NCOA7: variants seen among roughly 807,000 people sequenced by gnomAD.
NCOA7 encodes 140 kDa estrogen receptor-associated protein.
NCOA7 carries 45 observed loss-of-function variants against 104.3 expected under a neutral mutation model. The observed-to-expected ratio is 0.43, with a 90% CI of 0.34 to 0.55. The LOEUF (loss-of-function observed/expected upper bound fraction) is 0.55. Ranked by LOEUF, NCOA7 falls within the 20% of genes least tolerant of loss-of-function variation. The probability of loss-of-function intolerance (pLI) is 0.02; values close to 1 mark genes in which losing one functional copy is unlikely to be tolerated. For missense variants in NCOA7, 1,041 were observed against 1,119.7 expected, an observed-to-expected ratio of 0.93 and a Z score of 1.00; for synonymous variants, 398 against 402.3, an observed-to-expected ratio of 0.99 and a Z score of 0.13.
intron 3 of NCOA7, among the ~76,000 whole-genome samples, chr6:125,858,784 C>T (rs1008450803): frequency 6.6e-6 from 1 of 152,086 alleles, no homozygotes; most frequent in Non-Finnish European, 1.5e-5. Flanking sequence ...AGACCCTTTC[C>T]AAATCTGACT....
intron 2 of NCOA7, among the ~76,000 whole-genome samples, chr6:125,828,013 T>C (rs796572653): frequency 6.1e-4 from 93 of 152,320 alleles, no homozygotes; most frequent in African/African-American, 2.1e-3. Flanking sequence ...AGACAACCAC[T>C]AAATACACAA....
Position 125,881,219 on chromosome 6 carries a change from A to G in NCOA7, c.573+16A>G. ...TAAATTGCCTGTATGTATATTATGC[A>G]CTGAAGTTCATTTTTATTAAAGAGA... On this transcript the variant is annotated intron_variant, in intron 6 of 15. Coordinates refer to ENST00000392477, the MANE Select transcript of NCOA7 (RefSeq NM_181782.5). The G allele has an allele frequency of 1.3e-6, 2 of 1,518,282 alleles. No homozygotes were observed. Among genetic ancestry groups the G allele is most frequent in the South Asian group, 2.3e-5 (2 of 88,648 alleles). 94.1% of individuals were successfully genotyped at this position (1,518,282 alleles called of 1,614,324 possible).
chr6:125,830,217 C>G (rs1333058677), intron 2 of NCOA7, among the ~76,000 whole-genome samples: 11 of 152,178 alleles, frequency 7.2e-5, no homozygotes, highest in Non-Finnish European at 4.4e-5. Context: ...ATCCATCTTT[C>G]ATATATTATC....
chr6:125,920,846 C>G, intron 11 of NCOA7, 97 bp from the exon 12 acceptor site: 2 of 1,476,564 alleles, frequency 1.4e-6, no homozygotes, highest in East Asian at 2.5e-5. Context: ...CGAAGCGTCA[C>G]CTTTTCAAGC....
rs1211153832 is a variant in NCOA7, at chr6:125,889,379, T to C, written c.1325T>C (p.Leu442Pro). ...GACACCTTGAAGGAGTGCCTTTCTC[T>C]TGACCCAGAGGAACGAAAGAAAGCT... ...KKDTLKECLSLDPEERKKAES... is the reference protein window; with the variant it reads ...KKDTLKECLSPDPEERKKAES... The change falls in exon 9 of 16, where the codon CTT becomes CCT. Residue 442 changes from leucine (L) to proline (P), a missense_variant. Coordinates refer to ENST00000392477, the MANE Select transcript of NCOA7 (RefSeq NM_181782.5). 1 of 1,614,004 alleles carries C rather than the reference T, an allele frequency of 6.2e-7. No homozygotes were observed. The highest frequency in any genetic ancestry group is 8.5e-7 in the Non-Finnish European group (1 of 1,179,962).
chr6:125,819,325 G>A (rs1583292664), intron 2 of NCOA7, among the ~76,000 whole-genome samples: 1 of 151,956 alleles, frequency 6.6e-6, no homozygotes, highest in African/African-American at 2.4e-5. Context: ...GGGTCACCCA[G>A]TCTTTCCTTT....
rs560749425 is a variant in NCOA7, at chr6:125,866,762, G to T, written c.272-8127G>T. Among the ~76,000 whole-genome samples the T allele has an allele frequency of 2.6e-5, 4 of 152,164 alleles. No homozygotes were observed. In the East Asian group the frequency reaches 7.7e-4, roughly 29 times the overall value. On this transcript the variant is annotated intron_variant, in intron 3 of 15. Coordinates refer to ENST00000392477, the MANE Select transcript of NCOA7 (RefSeq NM_181782.5). ...GTGCTTTTATTTTCACCAAATTTCT[G>T]TTTTTTGGTGATGTCACTGCAATGT...
At chr6:125,857,565 A>T (rs1270613039) in intron 3 of NCOA7, among the ~76,000 whole-genome samples, 1 of 142,450 alleles carries the variant, frequency 7.0e-6, no homozygotes, top group Non-Finnish European at 1.5e-5. Context: ...CTCCCAAAGC[A>T]TTTTTTTTTT....
chr6:125,826,566 A>G (rs944525031), intron 2 of NCOA7, among the ~76,000 whole-genome samples: 2 of 152,060 alleles, frequency 1.3e-5, no homozygotes, highest in African/African-American at 4.8e-5. Flanking sequence ...ATTAAATGTA[A>G]GAATTTAGGT....
chr6:125,908,520 A>G lies in NCOA7; in HGVS notation c.2097-6813A>G, dbSNP rs547251289. ...TCTGTTGACTTTCTAGGACCACCCTAATTCATCAGAGAAGCTCTAATAATA... is the reference window on the plus strand; with the variant it reads ...TCTGTTGACTTTCTAGGACCACCCTGATTCATCAGAGAAGCTCTAATAATA... On this transcript the variant is annotated intron_variant, in intron 10 of 15. Transcript: ENST00000392477. 9.9e-4 allele frequency among the ~76,000 whole-genome samples: 151 copies of G among 152,290 alleles called. 1 individual carries two copies. The highest frequency in any genetic ancestry group is 3.3e-3 in the African/African-American group (137 of 41,558).
chr6:125,843,319 T>C (rs559286451), intron 2 of NCOA7, among the ~76,000 whole-genome samples: 10 of 152,196 alleles, frequency 6.6e-5, no homozygotes, highest in Admixed American at 3.9e-4. Flanking sequence ...GAACCTCTAA[T>C]GGGGAGGATG....
intron 2 of NCOA7, among the ~76,000 whole-genome samples, chr6:125,845,295 G>A (rs542225700): frequency 6.6e-6 from 1 of 152,280 alleles, no homozygotes; most frequent in Admixed American, 6.5e-5. Flanking sequence ...ATGTGGGATT[G>A]CAGTCCAGCA....
In NCOA7 at chr6:125,929,756, T is replaced by A. The variant is rs1583575936; in HGVS notation, c.*985T>A. ...AACAAATCCTGCTTTTGAAAAAAAA[T>A]GTTTTGCTTCTTACAAAATCATTTG... On this transcript the variant is annotated 3_prime_UTR_variant, in exon 16 of 16. Coordinates refer to ENST00000392477, the MANE Select transcript of NCOA7 (RefSeq NM_181782.5). The A allele has an allele frequency of 6.6e-6, 1 of 152,184 alleles. No homozygotes were observed. Among genetic ancestry groups the A allele is most frequent in the Non-Finnish European group, 1.5e-5 (1 of 68,006 alleles). The allele number at this position is 152,184 out of a possible 1,614,324, so 9.4% of individuals were successfully genotyped here.
rs144385294 is a variant in NCOA7, at chr6:125,875,413, T to C, written c.351+445T>C. 5.3e-3 allele frequency: 809 copies of C among 153,850 alleles called. 4 individuals carry two copies. Among genetic ancestry groups the C allele is most frequent in the Non-Finnish European group, 6.6e-3 (458 of 68,960 alleles). The allele number at this position is 153,850 out of a possible 1,614,324, so 9.5% of individuals were successfully genotyped here. On this transcript the variant is annotated intron_variant, in intron 4 of 15. Coordinates refer to ENST00000392477, the MANE Select transcript of NCOA7 (RefSeq NM_181782.5). Reference sequence around the variant, plus strand: ...CTGATGACTTGAATTATTTTTGATATAAACAGGGACTACCACTTTTAGGTC... The same window carrying C: ...CTGATGACTTGAATTATTTTTGATACAAACAGGGACTACCACTTTTAGGTC...
chr6:125,912,131 G>A (rs1019382639), intron 10 of NCOA7, among the ~76,000 whole-genome samples: 1 of 152,186 alleles, frequency 6.6e-6, no homozygotes, highest in Non-Finnish European at 1.5e-5. Flanking sequence ...TGCTGTACAG[G>A]CGGGTCCACT....
chr6:125,819,817 A>G (rs1777999851), intron 2 of NCOA7, among the ~76,000 whole-genome samples: 1 of 152,124 alleles, frequency 6.6e-6, no homozygotes, highest in East Asian at 1.9e-4. Context: ...CTTGCTTGAC[A>G]TTATTTGGCT....
chr6:125,850,832 G>A (rs1029038542), intron 2 of NCOA7, among the ~76,000 whole-genome samples: 13 of 152,170 alleles, frequency 8.5e-5, no homozygotes, highest in Admixed American at 5.9e-4. Flanking sequence ...TGAGCTCTCT[G>A]CATAGATAAG....
At chr6:125,823,601 T>C (rs1778394620) in intron 2 of NCOA7, among the ~76,000 whole-genome samples, 2 of 152,320 alleles carry the variant, frequency 1.3e-5, no homozygotes, top group South Asian at 2.1e-4. Flanking sequence ...AAAATATCCA[T>C]GGTCAAGTTT....
chr6:125,855,742 G>A (rs1374145827), intron 3 of NCOA7, among the ~76,000 whole-genome samples: 3 of 151,816 alleles, frequency 2.0e-5, no homozygotes, highest in Non-Finnish European at 2.9e-5. Flanking sequence ...GGTGTGCAAT[G>A]GCATGATCTC....
Sources: gnomAD v4.1 joint callset for allele counts (sites outside exome capture counted in the v4.1 genomes callset) on GRCh38, gnomAD v4.1.1 for gene constraint, MANE v1.5 for transcripts, NCBI Gene and HGNC (gene_info 2026-07-23, HGNC 2026-07-21) for gene names.